The following PXT1 variants were observed in gnomAD, a reference collection of about 807,000 sequenced individuals.
The protein encoded by PXT1 is peroxisomal testis enriched protein 1, also known as peroxisomal testis-specific protein 1.
PXT1 carries 11 observed loss-of-function variants against 11.0 expected under a neutral mutation model. The observed-to-expected ratio is 1.00, with a 90% CI of 0.63 to 1.66. The LOEUF (loss-of-function observed/expected upper bound fraction) is 1.66, where lower values mean the gene tolerates loss of function less well. PXT1 is among the 40% of genes most tolerant of loss of function. The probability of loss-of-function intolerance (pLI) is 0.00; values close to 1 mark genes in which losing one functional copy is unlikely to be tolerated. For synonymous variants in PXT1, 43 were observed against 51.4 expected, an observed-to-expected ratio of 0.84 and a Z score of 0.70; for missense variants, 141 against 155.5, an observed-to-expected ratio of 0.91 and a Z score of 0.49.
At chr6:36,429,588 C>A (rs564345114) in intron 2 of PXT1, among the ~76,000 whole-genome samples, 2 of 147,284 alleles carry the variant, frequency 1.4e-5, no homozygotes, top group South Asian at 4.3e-4. Context: ...TCACTGCAAC[C>A]TCCGCCTCCC....
intron 2 of PXT1, among the ~76,000 whole-genome samples, chr6:36,437,976 C>T (rs1353450745): frequency 6.6e-6 from 1 of 151,350 alleles, no homozygotes; most frequent in Non-Finnish European, 1.5e-5. Flanking sequence ...CCTGCCACCA[C>T]GCCCAGCTAA....
intron 2 of PXT1, among the ~76,000 whole-genome samples, chr6:36,429,508 CTT>C (rs112777415): frequency 9.2e-6 from 1 of 108,198 alleles, no homozygotes; most frequent in Non-Finnish European, 1.8e-5. Context: ...TTTTTCTTTT[CTT>C]TTTTTTTTTT....
chr6:36,416,805 G>C (rs529265348), intron 3 of PXT1, among the ~76,000 whole-genome samples: 5 of 152,266 alleles, frequency 3.3e-5, no homozygotes, highest in African/African-American at 1.2e-4. Flanking sequence ...AACAACTTAC[G>C]GATAGCATGG....
At position 36,442,713 on chromosome 6, in the gene PXT1, A is replaced by T. The variant is rs535951055; in HGVS notation, c.-308T>A. The T allele has an allele frequency of 2.0e-5, 3 of 152,302 alleles. No individual in the cohort carries two copies. The highest frequency in any genetic ancestry group is 4.4e-5 in the Non-Finnish European group (3 of 68,020). The allele number at this position is 152,302 out of a possible 1,614,324, so 9.4% of individuals were successfully genotyped here. Reference sequence around the variant, plus strand: ...AGATCAGGGTTCCACATTTTCGGGTAAGCATTAGCCGTCCTGGCGCTGCAC... The same window carrying T: ...AGATCAGGGTTCCACATTTTCGGGTTAGCATTAGCCGTCCTGGCGCTGCAC... On this transcript the variant is annotated 5_prime_UTR_variant, in exon 1 of 5. Coordinates refer to ENST00000454782, the MANE Select transcript of PXT1 (RefSeq NM_152990.4).
chr6:36,415,982 G>A (rs929782221), intron 3 of PXT1, among the ~76,000 whole-genome samples: 5 of 151,906 alleles, frequency 3.3e-5, no homozygotes, highest in African/African-American at 1.2e-4. Flanking sequence ...ACAGGAGACT[G>A]GTCCATCTGC....
chr6:36,410,248 C>T (rs1055241778), intron 3 of PXT1, among the ~76,000 whole-genome samples: 5 of 151,698 alleles, frequency 3.3e-5, no homozygotes, highest in East Asian at 2.0e-4. Flanking sequence ...ATTGGGAGTT[C>T]GAGACCAGCC....
chr6:36,428,897 C>A (rs991642519), intron 2 of PXT1, among the ~76,000 whole-genome samples: 1 of 152,064 alleles, frequency 6.6e-6, no homozygotes, highest in Non-Finnish European at 1.5e-5. Context: ...CTCAGGTGAT[C>A]CATCCACCTC....
intron 2 of PXT1, among the ~76,000 whole-genome samples, chr6:36,430,044 TA>T (rs1774670476): frequency 6.6e-6 from 1 of 151,802 alleles, no homozygotes; most frequent in Admixed American, 6.6e-5. Context: ...TTGTCTCTAC[TA>T]AAAGTACAAA....
intron 1 of PXT1, among the ~76,000 whole-genome samples, chr6:36,441,353 G>C (rs955210693): frequency 6.6e-6 from 1 of 152,152 alleles, no homozygotes; most frequent in South Asian, 2.1e-4. Context: ...TTGGTTTATA[G>C]CCATGTGTTT....
chr6:36,439,644 GAA>G (rs11478447), intron 1 of PXT1, among the ~76,000 whole-genome samples: 5,782 of 102,786 alleles, frequency 0.056, 388 homozygotes, highest in African/African-American at 0.18. Context: ...ATATAAGGCT[GAA>G]AAAAAAAAAA....
In PXT1 at chr6:36,396,622, CT is replaced by C. The variant is rs1270999353; in HGVS notation, c.300+3831del. 2.0e-5 allele frequency among the ~76,000 whole-genome samples: 3 copies of C among 152,234 alleles called. No individual in the cohort carries two copies. The East Asian group carries it at 5.8e-4, about 29-fold the overall frequency. On this transcript the variant is annotated intron_variant, in intron 4 of 4. Transcript: ENST00000454782. The stretch of plus-strand genomic sequence containing the variant: ...AAGGCTGGGGGCTAGGCTGCCAGTC[CT>C]GTGGACCAGAGTGAGGACTGGTGGT...
intron 2 of PXT1, among the ~76,000 whole-genome samples, chr6:36,433,541 C>T (rs896593647): frequency 4.6e-5 from 7 of 151,792 alleles, no homozygotes; most frequent in African/African-American, 9.7e-5. Context: ...GAGGCTAGGC[C>T]GGGCACGGTG....
At chr6:36,411,192 G>A (rs889513910) in intron 3 of PXT1, among the ~76,000 whole-genome samples, 2 of 152,226 alleles carry the variant, frequency 1.3e-5, no homozygotes, top group South Asian at 2.1e-4. Context: ...CTCAATGCCT[G>A]TAATCCCAGC....
intron 3 of PXT1, among the ~76,000 whole-genome samples, chr6:36,409,961 A>G (rs1774344511): frequency 3.0e-5 from 1 of 33,096 alleles, no homozygotes; most frequent in Non-Finnish European, 5.0e-5. Context: ...GAAAGGAAGA[A>G]AGAGAAAAAA....
chr6:36,406,562 C>T (rs1774294802), intron 3 of PXT1, among the ~76,000 whole-genome samples: 1 of 152,032 alleles, frequency 6.6e-6, no homozygotes, highest in African/African-American at 2.4e-5. Context: ...CCTGTAATCC[C>T]AGCACTTTGG....
chr6:36,427,535 T>C (rs1333445253), intron 2 of PXT1, among the ~76,000 whole-genome samples: 1 of 152,212 alleles, frequency 6.6e-6, no homozygotes, highest in Non-Finnish European at 1.5e-5. Context: ...ACCACATATA[T>C]GATTTTAAGT....
chr6:36,429,705 G>T (rs1488315664), intron 2 of PXT1, among the ~76,000 whole-genome samples: 2 of 150,218 alleles, frequency 1.3e-5, no homozygotes, highest in African/African-American at 2.4e-5. Context: ...GGGTTTCACC[G>T]TGTTGGCCAT....
intron 3 of PXT1, among the ~76,000 whole-genome samples, chr6:36,424,643 A>C (rs1404323241): frequency 1.3e-5 from 2 of 152,176 alleles, no homozygotes; most frequent in African/African-American, 4.8e-5. Flanking sequence ...CGTCTCAAAA[A>C]AACAAAAACA....
chr6:36,412,642 G>C (rs1324601048), intron 3 of PXT1, among the ~76,000 whole-genome samples: 1 of 134,664 alleles, frequency 7.4e-6, no homozygotes, highest in East Asian at 2.2e-4. Context: ...CCTGGCAAGA[G>C]AGCAAGACTC....
Sources: gnomAD v4.1 joint callset for allele counts (sites outside exome capture counted in the v4.1 genomes callset) on GRCh38, gnomAD v4.1.1 for gene constraint, MANE v1.5 for transcripts, NCBI Gene and HGNC (gene_info 2026-07-23, HGNC 2026-07-21) for gene names.